The following SEMA5A variants were observed in gnomAD, a reference collection of about 807,000 sequenced individuals.
The protein encoded by SEMA5A is semaphorin 5A, also known as semaphorin-5A.
SEMA5A carries 55 observed loss-of-function variants against 135.5 expected under a neutral mutation model. The ratio of observed to expected loss-of-function variants is 0.41; its 90% confidence interval spans 0.33 to 0.51. The LOEUF (loss-of-function observed/expected upper bound fraction) is 0.51. SEMA5A is among the 20% of genes least tolerant of loss of function. The probability of loss-of-function intolerance (pLI) is 0.37; values close to 1 mark genes in which losing one functional copy is unlikely to be tolerated. For missense variants in SEMA5A, 1,290 were observed against 1,419.9 expected, an observed-to-expected ratio of 0.91 and a Z score of 1.47; for synonymous variants, 580 against 546.5, an observed-to-expected ratio of 1.06 and a Z score of -0.85.
At chr5:9,402,184 C>T (rs553551253) in intron 2 of SEMA5A, among the ~76,000 whole-genome samples, 1 of 152,182 alleles carries the variant, frequency 6.6e-6, no homozygotes, top group Non-Finnish European at 1.5e-5. Flanking sequence ...AAGTCACGGC[C>T]AGGGACTAGT....
intron 4 of SEMA5A, among the ~76,000 whole-genome samples, chr5:9,320,731 A>T (rs915592241): frequency 1.3e-5 from 2 of 152,104 alleles, no homozygotes; most frequent in Non-Finnish European, 2.9e-5. Context: ...AACAACAAAA[A>T]GTCCTTTTCA....
chr5:9,109,860 T>C (rs1349574630), intron 15 of SEMA5A, among the ~76,000 whole-genome samples: 1 of 152,064 alleles, frequency 6.6e-6, no homozygotes, highest in Admixed American at 6.5e-5. Flanking sequence ...GAACTGAAAA[T>C]AGGGGCAAAT....
chr5:9,236,743 C>T (rs773942207), intron 6 of SEMA5A, among the ~76,000 whole-genome samples: 45 of 152,078 alleles, frequency 3.0e-4, no homozygotes, highest in Non-Finnish European at 4.9e-4. Flanking sequence ...TGCTTTATTT[C>T]CCCCTTGTCT....
chr5:9,243,437 G>A (rs1748316512), intron 5 of SEMA5A, among the ~76,000 whole-genome samples: 1 of 152,134 alleles, frequency 6.6e-6, no homozygotes. Context: ...CATCTAGAAA[G>A]ACTCTTTTTT....
At chr5:9,339,615 AAG>A (rs1445810082) in intron 3 of SEMA5A, among the ~76,000 whole-genome samples, 1 of 152,224 alleles carries the variant, frequency 6.6e-6, no homozygotes, top group African/African-American at 2.4e-5. Context: ...AAATAAGAAA[AAG>A]AGAAAGGAGA....
Position 9,051,904 on chromosome 5 carries a change from C to A in SEMA5A, c.2814G>T (p.Arg938=). ...SQCSGNTTES[R]PCVFDSNFIP... ...TGAAATTAGAGTCAAACACACACGGCCGGCTCTCCGTGGTGTTCCCGGAGC... is the reference window on the plus strand; with the variant it reads ...TGAAATTAGAGTCAAACACACACGGACGGCTCTCCGTGGTGTTCCCGGAGC... Residue 938 remains arginine, a synonymous_variant, in exon 20 of 23, where the codon CGG becomes CGT. Coordinates refer to ENST00000382496, the MANE Select transcript of SEMA5A (RefSeq NM_003966.3). 1 of 1,614,146 alleles carries A rather than the reference C, an allele frequency of 6.2e-7. No individual in the cohort carries two copies. The highest frequency in any genetic ancestry group is 8.5e-7 in the Non-Finnish European group (1 of 1,180,040).
At chr5:9,350,537 C>T (rs55634763) in intron 3 of SEMA5A, among the ~76,000 whole-genome samples, 1 of 152,208 alleles carries the variant, frequency 6.6e-6, no homozygotes, top group African/African-American at 2.4e-5. Context: ...CAGTGGGGAC[C>T]TGTGGCCAGG....
chr5:9,518,886 T>C (rs965252593), intron 1 of SEMA5A, among the ~76,000 whole-genome samples: 3 of 152,108 alleles, frequency 2.0e-5, no homozygotes, highest in Non-Finnish European at 2.9e-5. Flanking sequence ...TGTTTATCTT[T>C]CACCTATTTT....
chr5:9,498,332 C>G (rs1735405524), intron 1 of SEMA5A: 1 of 152,184 alleles, frequency 6.6e-6, no homozygotes, highest in African/African-American at 2.4e-5. Context: ...TGTCTAAATA[C>G]AGCAATGTCA....
intron 5 of SEMA5A, among the ~76,000 whole-genome samples, chr5:9,307,092 GT>G (rs1227310706): frequency 2.6e-5 from 4 of 152,138 alleles, no homozygotes; most frequent in African/African-American, 9.7e-5. Flanking sequence ...TAATAACTGA[GT>G]ATTGCCAAAA....
intron 5 of SEMA5A, among the ~76,000 whole-genome samples, chr5:9,300,984 C>T (rs1751584428): frequency 6.6e-6 from 1 of 152,148 alleles, no homozygotes; most frequent in South Asian, 2.1e-4. Flanking sequence ...GTTTTTAAGC[C>T]ACCAAATTTG....
At chr5:9,285,933 T>C (rs77185649) in intron 5 of SEMA5A, among the ~76,000 whole-genome samples, 1,565 of 152,294 alleles carry the variant, frequency 0.01, 22 homozygotes, top group African/African-American at 0.032. Context: ...TGATAAATGG[T>C]TGAGGTGATG....
At chr5:9,164,229 TATAA>T (rs1370907206) in intron 11 of SEMA5A, among the ~76,000 whole-genome samples, 11 of 143,604 alleles carry the variant, frequency 7.7e-5, no homozygotes, top group South Asian at 4.2e-4. Flanking sequence ...AAATATAGCA[TATAA>T]ATATTTATAT....
chr5:9,272,084 C>T (rs1750005472), intron 5 of SEMA5A, among the ~76,000 whole-genome samples: 1 of 152,018 alleles, frequency 6.6e-6, no homozygotes, highest in Admixed American at 6.5e-5. Context: ...GGTTTCAACC[C>T]CACAGAGCTC....
At chr5:9,264,119 C>T (rs1749550545) in intron 5 of SEMA5A, among the ~76,000 whole-genome samples, 1 of 152,090 alleles carries the variant, frequency 6.6e-6, no homozygotes. Flanking sequence ...TTTTGGAAAC[C>T]ATATGGTAAG....
At chr5:9,218,104 T>G (rs1028454082) in intron 8 of SEMA5A, among the ~76,000 whole-genome samples, 1 of 152,246 alleles carries the variant, frequency 6.6e-6, no homozygotes, top group East Asian at 1.9e-4. Flanking sequence ...GGTACTGGAC[T>G]TAACTCCTGG....
chr5:9,083,586 TCATCCATCCATCCATC>T (rs60509063), intron 16 of SEMA5A, among the ~76,000 whole-genome samples: 37 of 45,064 alleles, frequency 8.2e-4, no homozygotes, highest in African/African-American at 1.5e-3. Context: ...ATTCATCCAT[TCATCCATCCATCCATC>T]CATCCATCCA....
In SEMA5A at chr5:9,177,892, T is replaced by C. The variant is rs376361473; in HGVS notation, c.1273+12375A>G. On this transcript the variant is annotated intron_variant, in intron 11 of 22. Transcript: ENST00000382496. ...ATGAAATGGATTAGCTTTCGAAGAC[T>C]TAATTTTTACATATTTGTCAGTATA... is the stretch of plus-strand genomic sequence containing the variant. 1.8e-4 allele frequency among the ~76,000 whole-genome samples: 28 copies of C among 152,370 alleles called. No individual in the cohort carries two copies. The South Asian group carries it at 1.9e-3, about 10-fold the overall frequency.
intron 3 of SEMA5A, among the ~76,000 whole-genome samples, chr5:9,367,113 A>G (rs1754950387): frequency 6.6e-6 from 1 of 152,240 alleles, no homozygotes; most frequent in South Asian, 2.1e-4. Flanking sequence ...TATGCTATCC[A>G]ATATAGTAGA....
Sources: allele counts gnomAD v4.1 joint callset (sites outside exome capture counted in the v4.1 genomes callset), GRCh38; gene constraint gnomAD v4.1.1; transcripts MANE v1.5; gene names NCBI Gene and HGNC (gene_info 2026-07-23, HGNC 2026-07-21).